Variants in PIP4K2A observed in about 807,000 individuals in gnomAD.
PIP4K2A encodes phosphatidylinositol-5-phosphate 4-kinase type 2 alpha, also known as phosphatidylinositol 5-phosphate 4-kinase type-2 alpha.
A neutral mutation model predicts 42.9 loss-of-function variants in PIP4K2A; 14 were observed. The observed-to-expected ratio is 0.33, with a 90% CI of 0.22 to 0.51. PIP4K2A has a LOEUF of 0.51. Ranked by LOEUF, PIP4K2A falls within the 20% of genes least tolerant of loss-of-function variation. The pLI, the probability that PIP4K2A is intolerant of heterozygous loss-of-function variation, is 0.97. For synonymous variants in PIP4K2A, 192 were observed against 192.2 expected, an observed-to-expected ratio of 1.00 and a Z score of 0.01; for missense variants, 434 against 519.8, an observed-to-expected ratio of 0.83 and a Z score of 1.61.
intron 6 of PIP4K2A, among the ~76,000 whole-genome samples, chr10:22,565,957 CA>C (rs1738293511): frequency 6.6e-6 from 1 of 152,112 alleles, no homozygotes; most frequent in South Asian, 2.1e-4. Context: ...AAATTTTGGT[CA>C]GACCGGTTGA....
chr10:22,578,142 T>C (rs1001223369), intron 4 of PIP4K2A, among the ~76,000 whole-genome samples: 4 of 152,254 alleles, frequency 2.6e-5, no homozygotes, highest in African/African-American at 4.8e-5. Context: ...GATGGGTATA[T>C]GCTACCAATT....
intron 1 of PIP4K2A, among the ~76,000 whole-genome samples, chr10:22,639,428 C>T (rs1588679183): frequency 6.8e-6 from 1 of 147,002 alleles, no homozygotes; most frequent in Non-Finnish European, 1.5e-5. Flanking sequence ...TCTCTAATTT[C>T]TCCATTTGAG....
chr10:22,665,296 T>C (rs114400265), intron 1 of PIP4K2A, among the ~76,000 whole-genome samples: 2,091 of 152,326 alleles, frequency 0.014, 43 homozygotes, highest in African/African-American at 0.047. Context: ...CTATTACATA[T>C]ATTTCTCTGA....
rs542548750 is a variant in PIP4K2A, at chr10:22,649,172, C to T, written c.145-39455G>A. Among the ~76,000 whole-genome samples, 4 of 152,310 alleles carry T rather than the reference C, an allele frequency of 2.6e-5. No individual in the cohort carries two copies. The East Asian group carries it at 5.8e-4, about 22-fold the overall frequency. Reference sequence around the variant, plus strand: ...GTTTAATGGATTCTCTAGAAGGCTTCGCCAGATTCTAAATGTTCCATCATA... The same window carrying T: ...GTTTAATGGATTCTCTAGAAGGCTTTGCCAGATTCTAAATGTTCCATCATA... On this transcript the variant is annotated intron_variant, in intron 1 of 9. Transcript: ENST00000376573.
chr10:22,573,180 T>A (rs930243869), intron 5 of PIP4K2A, 131 bp downstream of exon 5: 2 of 766,754 alleles, frequency 2.6e-6, no homozygotes, highest in Middle Eastern at 3.9e-4. Flanking sequence ...CAGGAAGGAA[T>A]ACACTGCTAC....
chr10:22,588,631 A>T (rs891161942), intron 4 of PIP4K2A, among the ~76,000 whole-genome samples: 1 of 152,228 alleles, frequency 6.6e-6, no homozygotes, highest in Non-Finnish European at 1.5e-5. Context: ...GAGTGAATAC[A>T]TGAATAAATG....
chr10:22,697,138 TA>T (rs5783807), intron 1 of PIP4K2A, among the ~76,000 whole-genome samples: 29,404 of 142,254 alleles, frequency 0.21, 3,181 homozygotes, highest in African/African-American at 0.31. Context: ...TCCTTCAGCT[TA>T]AAAAAAAAAA....
intron 6 of PIP4K2A, among the ~76,000 whole-genome samples, chr10:22,552,979 C>T (rs1047302142): frequency 6.6e-6 from 1 of 152,136 alleles, no homozygotes; most frequent in Non-Finnish European, 1.5e-5. Flanking sequence ...GTTTGTAACA[C>T]AAGTCACATT....
intron 6 of PIP4K2A, among the ~76,000 whole-genome samples, chr10:22,556,099 T>C (rs182190778): frequency 3.3e-5 from 5 of 152,308 alleles, no homozygotes; most frequent in East Asian, 3.9e-4. Context: ...CTACATACTG[T>C]CTTCAAATTT....
intron 7 of PIP4K2A, 60 bp downstream of exon 7, chr10:22,550,599 A>G: frequency 1.0e-6 from 1 of 954,652 alleles, no homozygotes; most frequent in Non-Finnish European, 1.7e-6. Flanking sequence ...AAAAGCTCCT[A>G]AAACCCAACA....
chr10:22,650,624 G>T (rs1351725379), intron 1 of PIP4K2A, among the ~76,000 whole-genome samples: 2 of 152,176 alleles, frequency 1.3e-5, no homozygotes, highest in Non-Finnish European at 2.9e-5. Flanking sequence ...CTCTCACTTA[G>T]GTGCCACTCG....
chr10:22,560,841 C>G (rs941142363), intron 6 of PIP4K2A, among the ~76,000 whole-genome samples: 11 of 152,270 alleles, frequency 7.2e-5, no homozygotes, highest in Non-Finnish European at 1.2e-4. Flanking sequence ...ATCCCCAGGA[C>G]TCTCTCTCTC....
intron 1 of PIP4K2A, among the ~76,000 whole-genome samples, chr10:22,671,301 G>A (rs190726659): frequency 2.0e-5 from 3 of 152,140 alleles, no homozygotes; most frequent in Admixed American, 2.0e-4. Flanking sequence ...GAAAGAAGTG[G>A]GAAGAAAGAC....
chr10:22,650,026 G>A (rs1393703455), intron 1 of PIP4K2A, among the ~76,000 whole-genome samples: 2 of 152,102 alleles, frequency 1.3e-5, no homozygotes, highest in Non-Finnish European at 2.9e-5. Context: ...TGGGGACAGG[G>A]ACTGTGTATC....
At chr10:22,570,947 C>A (rs72816804) in intron 5 of PIP4K2A, among the ~76,000 whole-genome samples, 6 of 151,954 alleles carry the variant, frequency 3.9e-5, no homozygotes, top group Admixed American at 3.9e-4. Context: ...GAGCTGTGTA[C>A]GAGTTGCTGA....
At chr10:22,692,154 T>C (rs1453799233) in intron 1 of PIP4K2A, among the ~76,000 whole-genome samples, 1 of 151,956 alleles carries the variant, frequency 6.6e-6, no homozygotes, top group Non-Finnish European at 1.5e-5. Flanking sequence ...GATGGTCCCA[T>C]CTGGGGGTGA....
chr10:22,668,942 T>C (rs1275911272), intron 1 of PIP4K2A, among the ~76,000 whole-genome samples: 1 of 152,214 alleles, frequency 6.6e-6, no homozygotes, highest in Non-Finnish European at 1.5e-5. Context: ...TTAGCTCAAT[T>C]TTCTGTTTTA....
chr10:22,600,860 T>C (rs1401152256), intron 3 of PIP4K2A, among the ~76,000 whole-genome samples: 3 of 152,030 alleles, frequency 2.0e-5, no homozygotes, highest in Non-Finnish European at 4.4e-5. Flanking sequence ...TCTTGGGGAA[T>C]TTCAAAGAAA....
Position 22,634,670 on chromosome 10 carries a change from T to C in PIP4K2A, c.145-24953A>G, listed in dbSNP as rs373615136. 5.3e-5 allele frequency among the ~76,000 whole-genome samples: 8 copies of C among 152,286 alleles called. No homozygotes were observed. The East Asian group carries it at 1.5e-3, about 29-fold the overall frequency. On this transcript the variant is annotated intron_variant, in intron 1 of 9. Transcript: ENST00000376573. ...TGTCCAAGGTCCAATTCTTCTCTCT[T>C]TCTCTCTCTCCCTCTCCATAGCAGA...
Sources: gnomAD v4.1 joint callset for allele counts (sites outside exome capture counted in the v4.1 genomes callset) on GRCh38, gnomAD v4.1.1 for gene constraint, MANE v1.5 for transcripts, NCBI Gene and HGNC (gene_info 2026-07-23, HGNC 2026-07-21) for gene names.